Variants in FMN1 observed in about 807,000 individuals in gnomAD.
FMN1 encodes formin 1, also known as formin-1.
FMN1 carries 110 observed loss-of-function variants against 132.4 expected under a neutral mutation model. That is an observed-to-expected ratio of 0.83 (90% confidence interval 0.71 to 0.97). FMN1 has a LOEUF of 0.97. FMN1 is among the 50% of genes least tolerant of loss of function. The probability of loss-of-function intolerance (pLI) is 0.00; values close to 1 mark genes in which losing one functional copy is unlikely to be tolerated. For missense variants in FMN1, 1,792 were observed against 1,705.3 expected (o/e 1.05, Z -0.90); for synonymous variants, 722 against 651.7 (o/e 1.11, Z -1.64).
chr15:33,146,910 C>T (rs561346507), intron 4 of FMN1, among the ~76,000 whole-genome samples: 2 of 152,238 alleles, frequency 1.3e-5, no homozygotes, highest in South Asian at 4.1e-4. Flanking sequence ...GGCCGTGGCT[C>T]ACCCCTGTAA....
chr15:32,829,749 G>A (rs759469695), intron 17 of FMN1, among the ~76,000 whole-genome samples: 22 of 152,104 alleles, frequency 1.4e-4, no homozygotes, highest in East Asian at 5.8e-4. Context: ...CTGTTTAAAG[G>A]GTAAGATTCG....
At chr15:33,105,056 T>C (rs1288302708) in intron 4 of FMN1, among the ~76,000 whole-genome samples, 2 of 152,056 alleles carry the variant, frequency 1.3e-5, no homozygotes, top group Admixed American at 6.6e-5. Context: ...TCTCACTACA[T>C]AGTACATGCT....
At chr15:33,062,939 T>C (rs1484567529) in intron 6 of FMN1, 1 of 152,178 alleles carries the variant, frequency 6.6e-6, no homozygotes, top group Non-Finnish European at 1.5e-5. Flanking sequence ...CTGATTATAC[T>C]AGAAAATATA....
chr15:33,044,014 C>T (rs1159744159), intron 6 of FMN1, among the ~76,000 whole-genome samples: 1 of 152,240 alleles, frequency 6.6e-6, no homozygotes, highest in African/African-American at 2.4e-5. Flanking sequence ...CCAGCCTCTC[C>T]CCTATTCTGG....
chr15:33,095,568 AT>A (rs1023035974), intron 4 of FMN1, among the ~76,000 whole-genome samples: 4 of 151,088 alleles, frequency 2.6e-5, no homozygotes, highest in East Asian at 1.9e-4. Flanking sequence ...CTAGTTTTTA[AT>A]TTTTTTTTGT....
chr15:32,942,369 T>A (rs1405512707), intron 9 of FMN1, among the ~76,000 whole-genome samples: 3 of 152,240 alleles, frequency 2.0e-5, no homozygotes, highest in African/African-American at 7.2e-5. Flanking sequence ...CCAGACAGGC[T>A]GAGAAAGAAT....
intron 16 of FMN1, among the ~76,000 whole-genome samples, chr15:32,872,375 A>G (rs558493348): frequency 2.1e-4 from 32 of 152,230 alleles, no homozygotes; most frequent in Non-Finnish European, 3.4e-4. Context: ...ACAATGGTTA[A>G]AAGTCAGCAA....
At chr15:33,011,814 A>G (rs1402133202) in intron 6 of FMN1, among the ~76,000 whole-genome samples, 2 of 152,206 alleles carry the variant, frequency 1.3e-5, no homozygotes, top group African/African-American at 4.8e-5. Flanking sequence ...TAAAAAGATG[A>G]TATACAAATA....
intron 10 of FMN1, among the ~76,000 whole-genome samples, chr15:32,924,361 T>C (rs1243965077): frequency 2.0e-5 from 3 of 152,240 alleles, no homozygotes; most frequent in African/African-American, 7.2e-5. Flanking sequence ...TTAATTTTTG[T>C]AATGTAGCGA....
In FMN1 at chr15:32,942,740, A is replaced by T. The variant is rs79279559; in HGVS notation, c.3139-16479T>A. ...ACTCAGTTCCAGTCACAGGGTTTCC[A>T]TCTCCAGCACAGTCAGTTTTATCCT... On this transcript the variant is annotated intron_variant, in intron 9 of 20. Transcript: ENST00000616417. Among the ~76,000 whole-genome samples the T allele has an allele frequency of 8.4e-3, 1,274 of 152,292 alleles. 23 individuals carry two copies. The highest frequency in any genetic ancestry group is 0.029 in the African/African-American group (1,212 of 41,566).
At chr15:32,828,248 T>G (rs750534346) in intron 17 of FMN1, among the ~76,000 whole-genome samples, 20 of 152,206 alleles carry the variant, frequency 1.3e-4, no homozygotes, top group Non-Finnish European at 2.2e-4. Flanking sequence ...CACTCCAGCC[T>G]GGGCAACAGA....
At chr15:33,087,194 C>G (rs1376586420) in intron 5 of FMN1, among the ~76,000 whole-genome samples, 1 of 152,180 alleles carries the variant, frequency 6.6e-6, no homozygotes, top group Admixed American at 6.5e-5. Context: ...GAACCCCAGC[C>G]CAGTGCTTTC....
chr15:32,888,118 A>AT (rs1383614726), intron 16 of FMN1, 54 bp downstream of exon 16: 4 of 1,489,222 alleles, frequency 2.7e-6, no homozygotes, highest in Non-Finnish European at 3.6e-6. Context: ...CTCTTAAAAC[A>AT]TTTTTTAAAA....
chr15:32,836,912 C>T (rs1360486711), intron 17 of FMN1: 2 of 172,624 alleles, frequency 1.2e-5, no homozygotes, highest in Admixed American at 1.2e-4. Flanking sequence ...CAGTGGGTAA[C>T]ATTCCTTTAT....
intron 5 of FMN1, among the ~76,000 whole-genome samples, chr15:33,070,997 C>T (rs949886032): frequency 6.6e-6 from 1 of 152,180 alleles, no homozygotes; most frequent in Non-Finnish European, 1.5e-5. Flanking sequence ...ACACTCTCAA[C>T]CACTCTTCGA....
At chr15:32,784,188 G>A (rs2056771610) in intron 19 of FMN1, among the ~76,000 whole-genome samples, 1 of 152,096 alleles carries the variant, frequency 6.6e-6, no homozygotes, top group Admixed American at 6.6e-5. Flanking sequence ...CCAATAGTTT[G>A]GAGCAGTGTT....
intron 7 of FMN1, among the ~76,000 whole-genome samples, chr15:33,004,203 T>A (rs1046259048): frequency 6.6e-6 from 1 of 152,066 alleles, no homozygotes; most frequent in Non-Finnish European, 1.5e-5. Context: ...GGGATCTAAT[T>A]AAACTAAAGA....
At chr15:32,838,867 A>G (rs1466656421) in intron 17 of FMN1, among the ~76,000 whole-genome samples, 3 of 152,236 alleles carry the variant, frequency 2.0e-5, no homozygotes, top group African/African-American at 7.2e-5. Flanking sequence ...ACATGAAGAA[A>G]TCTCGAGAGC....
chr15:32,865,861 A>C (rs940371632), intron 16 of FMN1, among the ~76,000 whole-genome samples: 9 of 151,800 alleles, frequency 5.9e-5, no homozygotes, highest in African/African-American at 1.7e-4. Context: ...AAATAAAATA[A>C]AATAAAATAC....
Sources: allele counts gnomAD v4.1 joint callset (sites outside exome capture counted in the v4.1 genomes callset), GRCh38; gene constraint gnomAD v4.1.1; transcripts MANE v1.5; gene names NCBI Gene and HGNC (gene_info 2026-07-23, HGNC 2026-07-21).